Variants in PHLDB2 observed in about 807,000 individuals in gnomAD.
The protein encoded by PHLDB2 is pleckstrin homology like domain family B member 2, also known as pleckstrin homology-like domain family B member 2.
PHLDB2 carries 71 observed loss-of-function variants against 123.6 expected under a neutral mutation model. The observed-to-expected ratio is 0.57, with a 90% CI of 0.47 to 0.70. The LOEUF is 0.70. PHLDB2 is among the 30% of genes least tolerant of loss of function. The probability of loss-of-function intolerance (pLI) is 0.00; values close to 1 mark genes in which losing one functional copy is unlikely to be tolerated. For synonymous variants in PHLDB2, 547 were observed against 541.6 expected (o/e 1.01, Z -0.14); for missense variants, 1,446 against 1,519.5 (o/e 0.95, Z 0.80).
chr3:111,900,624 T>C (rs1368527450), intron 2 of PHLDB2, among the ~76,000 whole-genome samples: 1 of 152,158 alleles, frequency 6.6e-6, no homozygotes, highest in Non-Finnish European at 1.5e-5. Flanking sequence ...CAAAGATCAC[T>C]GATCAGATCA....
At chr3:111,751,621 G>T (rs10934106) in intron 1 of PHLDB2, among the ~76,000 whole-genome samples, 1 of 147,028 alleles carries the variant, frequency 6.8e-6, no homozygotes, top group African/African-American at 2.5e-5. Flanking sequence ...TTGTGGATTG[G>T]GTAACAAGAC....
In PHLDB2 at chr3:111,829,169, C is replaced by T. The variant is rs140509246; in HGVS notation, c.-48-16652C>T. On this transcript the variant is annotated intron_variant, in intron 1 of 17. Coordinates refer to the PHLDB2 transcript ENST00000393923. The stretch of plus-strand genomic sequence containing the variant: ...TAAAATTCTAAAAAGTCATGGAAAC[C>T]TCTGAAGGGCCATTTATCTTCCCAC... Among the ~76,000 whole-genome samples the T allele has an allele frequency of 1.1e-4, 17 of 152,200 alleles. No individual in the cohort carries two copies. In the East Asian group the frequency reaches 1.7e-3, roughly 16 times the overall value.
At chr3:111,834,152 TA>T in intron 1 of PHLDB2, among the ~76,000 whole-genome samples, 2 of 75,178 alleles carry the variant, frequency 2.7e-5, no homozygotes, top group Non-Finnish European at 5.3e-5. Context: ...AATAGAATTA[TA>T]TATATTATAT....
chr3:111,793,731 A>T (rs987364614), intron 1 of PHLDB2, among the ~76,000 whole-genome samples: 1 of 151,674 alleles, frequency 6.6e-6, no homozygotes, highest in Non-Finnish European at 1.5e-5. Context: ...TCAGCAGGTG[A>T]TGAATCCTTC....
At chr3:111,971,434 A>AT (rs2072173768) in intron 16 of PHLDB2, among the ~76,000 whole-genome samples, 1 of 139,718 alleles carries the variant, frequency 7.2e-6, no homozygotes, top group Non-Finnish European at 1.6e-5. Flanking sequence ...CTGGTGACTG[A>AT]TTTCAATTTT....
chr3:111,935,570 C>A (rs1424055555), intron 6 of PHLDB2, among the ~76,000 whole-genome samples: 2 of 151,744 alleles, frequency 1.3e-5, no homozygotes, highest in African/African-American at 4.8e-5. Context: ...TATTAACTCC[C>A]AAAATCACAA....
intron 1 of PHLDB2, among the ~76,000 whole-genome samples, chr3:111,844,554 C>T (rs2063855141): frequency 6.6e-6 from 1 of 152,182 alleles, no homozygotes; most frequent in South Asian, 2.1e-4. Flanking sequence ...CTATTGTACA[C>T]AAATGCCTTT....
chr3:111,929,243 A>T (rs13061340), intron 5 of PHLDB2, among the ~76,000 whole-genome samples: 27,080 of 152,134 alleles, frequency 0.18, 2,646 homozygotes, highest in South Asian at 0.22. Context: ...TCCAGCCTGG[A>T]TGACAGAGTG....
rs539178425 is a variant in PHLDB2 at position 111,803,245 on chromosome 3, T to G, written c.-48-42576T>G. The stretch of plus-strand genomic sequence containing the variant: ...GAGGGAACAGGCAGCTAGCCAAAAC[T>G]TATGTGGTTCTTCAAATTTCTGATG... On this transcript the variant is annotated intron_variant, in intron 1 of 17. Coordinates refer to the PHLDB2 transcript ENST00000393923. Among the ~76,000 whole-genome samples, 5 of 152,286 alleles carry G rather than the reference T, an allele frequency of 3.3e-5. No homozygotes were observed. The South Asian group carries it at 8.3e-4, about 25-fold the overall frequency.
intron 6 of PHLDB2, among the ~76,000 whole-genome samples, chr3:111,938,902 A>G (rs2069682612): frequency 6.6e-6 from 1 of 151,914 alleles, no homozygotes; most frequent in Non-Finnish European, 1.5e-5. Flanking sequence ...TGCAACCTCC[A>G]TCTCAAGCAA....
chr3:111,753,797 T>G lies in PHLDB2; in HGVS notation c.-49+21094T>G, dbSNP rs1245721491. On this transcript the variant is annotated intron_variant, in intron 1 of 17. Coordinates refer to the PHLDB2 transcript ENST00000393923. ...TATGGTTTTAGGTCTAACGTTTAAGTCTTTAATCCATCTTGAATTAATTTT... is the reference window on the plus strand; with the variant it reads ...TATGGTTTTAGGTCTAACGTTTAAGGCTTTAATCCATCTTGAATTAATTTT... 2.6e-5 allele frequency among the ~76,000 whole-genome samples: 4 copies of G among 152,318 alleles called. No homozygotes were observed. The East Asian group carries it at 5.8e-4, about 22-fold the overall frequency.
intron 2 of PHLDB2, chr3:111,911,465 A>T: frequency 1.5e-6 from 1 of 658,746 alleles, no homozygotes; most frequent in Non-Finnish European, 2.5e-6. Flanking sequence ...ATGCCCATGT[A>T]GACTTTTCCA....
chr3:111,874,911 C>T (rs1000442525), intron 1 of PHLDB2, among the ~76,000 whole-genome samples: 5 of 152,100 alleles, frequency 3.3e-5, no homozygotes, highest in African/African-American at 1.2e-4. Context: ...AAGGTAGCTA[C>T]ATTCTAAAAA....
At chr3:111,873,966 C>T (rs2065469511) in intron 1 of PHLDB2, among the ~76,000 whole-genome samples, 1 of 152,172 alleles carries the variant, frequency 6.6e-6, no homozygotes, top group Non-Finnish European at 1.5e-5. Context: ...TACCAGGAGA[C>T]TTACAGTCCT....
intron 2 of PHLDB2, among the ~76,000 whole-genome samples, chr3:111,895,243 C>A (rs908920719): frequency 1.3e-5 from 2 of 152,110 alleles, no homozygotes; most frequent in African/African-American, 4.8e-5. Flanking sequence ...ACCCTCTGTT[C>A]TTATAGTAGC....
At chr3:111,810,670 T>A (rs1009125664) in intron 1 of PHLDB2, among the ~76,000 whole-genome samples, 2 of 152,150 alleles carry the variant, frequency 1.3e-5, no homozygotes, top group Non-Finnish European at 1.5e-5. Flanking sequence ...AACATATAAA[T>A]TTTCCAAGGA....
intron 2 of PHLDB2, among the ~76,000 whole-genome samples, chr3:111,901,776 A>G (rs1275017769): frequency 6.6e-6 from 1 of 152,214 alleles, no homozygotes; most frequent in Non-Finnish European, 1.5e-5. Flanking sequence ...TTTCTTTAAC[A>G]GAATGGGCTC....
intron 8 of PHLDB2, among the ~76,000 whole-genome samples, chr3:111,943,367 A>G (rs2070046093): frequency 6.6e-6 from 1 of 152,218 alleles, no homozygotes; most frequent in Non-Finnish European, 1.5e-5. Flanking sequence ...TGATATATGT[A>G]AATTCATTCA....
intron 1 of PHLDB2, among the ~76,000 whole-genome samples, chr3:111,861,209 C>T (rs73228508): frequency 0.11 from 16,666 of 152,236 alleles, 1,070 homozygotes; most frequent in Non-Finnish European, 0.14. Context: ...TTGCCGTTGC[C>T]TTCAATTGTG....
Sources: gnomAD v4.1 joint callset for allele counts (sites outside exome capture counted in the v4.1 genomes callset) on GRCh38, gnomAD v4.1.1 for gene constraint, MANE v1.5 for transcripts, NCBI Gene and HGNC (gene_info 2026-07-23, HGNC 2026-07-21) for gene names.